The following NAALADL2 variants were observed in gnomAD, a reference collection of about 807,000 sequenced individuals.
NAALADL2 encodes the protein N-acetylated alpha-linked acidic dipeptidase like 2.
A neutral mutation model predicts 87.2 loss-of-function variants in NAALADL2; 76 were observed. The ratio of observed to expected loss-of-function variants is 0.87; its 90% confidence interval spans 0.72 to 1.05. The LOEUF (loss-of-function observed/expected upper bound fraction) is 1.05. Among genes scored for constraint, NAALADL2 ranks in the 50% least tolerant of loss-of-function variants. The pLI is 0.00. For missense variants in NAALADL2, 1,089 were observed against 945.8 expected (o/e 1.15, Z -1.99); for synonymous variants, 354 against 331.0 (o/e 1.07, Z -0.75).
intron 9 of NAALADL2, among the ~76,000 whole-genome samples, chr3:175,555,179 A>AATG (rs2149498865): frequency 6.6e-6 from 1 of 152,246 alleles, no homozygotes; most frequent in African/African-American, 2.4e-5. Flanking sequence ...AGAATGAGGG[A>AATG]ATGATACAGT....
chr3:175,036,857 A>G (rs1185218745), intron 1 of NAALADL2, among the ~76,000 whole-genome samples: 1 of 149,150 alleles, frequency 6.7e-6, no homozygotes, highest in Admixed American at 6.7e-5. Flanking sequence ...AACAACAACA[A>G]CAACAGCATA....
At chr3:175,669,947 AC>A (rs1733713016) in intron 11 of NAALADL2, among the ~76,000 whole-genome samples, 1 of 152,054 alleles carries the variant, frequency 6.6e-6, no homozygotes, top group Non-Finnish European at 1.5e-5. Context: ...TATTTAAAAC[AC>A]CCCTTTCAGT....
chr3:175,692,269 G>A (rs1341332228), intron 11 of NAALADL2, among the ~76,000 whole-genome samples: 1 of 151,904 alleles, frequency 6.6e-6, no homozygotes, highest in East Asian at 1.9e-4. Context: ...ATTATTCATA[G>A]TTAGTTCATA....
At chr3:174,596,906 G>T (rs1305913107) in intron 2 of NAALADL2, among the ~76,000 whole-genome samples, 2 of 152,178 alleles carry the variant, frequency 1.3e-5, no homozygotes, top group East Asian at 3.9e-4. Flanking sequence ...CTGACTGTTT[G>T]ACTTGAATGC....
intron 1 of NAALADL2, among the ~76,000 whole-genome samples, chr3:175,019,135 A>G (rs536642006): frequency 1.3e-5 from 2 of 152,090 alleles, no homozygotes; most frequent in Admixed American, 6.6e-5. Context: ...TCATACTTTC[A>G]AAATAATTTT....
At chr3:175,298,108 C>T (rs1378568028) in intron 4 of NAALADL2, among the ~76,000 whole-genome samples, 1 of 151,924 alleles carries the variant, frequency 6.6e-6, no homozygotes, top group Non-Finnish European at 1.5e-5. Flanking sequence ...TCAAATAAGA[C>T]AGGGAAACAA....
intron 3 of NAALADL2, among the ~76,000 whole-genome samples, chr3:174,819,966 C>A (rs1037075670): frequency 6.6e-6 from 1 of 152,006 alleles, no homozygotes; most frequent in East Asian, 1.9e-4. Flanking sequence ...TTACATTTCC[C>A]TTCATATTAG....
intron 11 of NAALADL2, chr3:175,718,581 C>A (rs1268248185): frequency 6.3e-7 from 1 of 1,593,342 alleles, no homozygotes; most frequent in African/African-American, 1.3e-5. Flanking sequence ...ACTGTGCCAT[C>A]TCCTACTCCT....
In NAALADL2 at chr3:174,996,297, A is replaced by G. The variant is rs1206806839; in HGVS notation, c.44-100493A>G. Among the ~76,000 whole-genome samples the G allele has an allele frequency of 5.3e-5, 8 of 152,194 alleles. No individual in the cohort carries two copies. The South Asian group carries it at 1.0e-3, about 20-fold the overall frequency. On this transcript the variant is annotated intron_variant, in intron 1 of 13. Transcript: ENST00000454872. ...CAGATCACGAGGTCAGGAGATCGAG[A>G]CCATCCTGGCTAACACGGTGAAACC...
chr3:175,328,458 C>CG (rs1412935604), intron 5 of NAALADL2, among the ~76,000 whole-genome samples: 14 of 150,772 alleles, frequency 9.3e-5, no homozygotes, highest in Admixed American at 9.3e-4. Context: ...TTGTAAATTG[C>CG]GGGGGAGGCA....
At chr3:175,332,050 T>C (rs1455610903) in intron 5 of NAALADL2, among the ~76,000 whole-genome samples, 1 of 151,748 alleles carries the variant, frequency 6.6e-6, no homozygotes, top group Non-Finnish European at 1.5e-5. Flanking sequence ...CAAAGAAAAC[T>C]CCAAAATACT....
At chr3:175,345,062 T>C (rs570418782) in intron 5 of NAALADL2, among the ~76,000 whole-genome samples, 1 of 152,134 alleles carries the variant, frequency 6.6e-6, no homozygotes, top group Non-Finnish European at 1.5e-5. Flanking sequence ...CCAAAGCCTA[T>C]GCTGTTATTC....
intron 5 of NAALADL2, among the ~76,000 whole-genome samples, chr3:175,390,901 C>T (rs939516167): frequency 2.6e-5 from 4 of 152,142 alleles, no homozygotes; most frequent in Admixed American, 1.3e-4. Flanking sequence ...TGCACCTGTA[C>T]TAAGTAGCAC....
intron 5 of NAALADL2, among the ~76,000 whole-genome samples, chr3:175,373,582 T>C (rs971217714): frequency 7.2e-5 from 11 of 152,234 alleles, no homozygotes; most frequent in African/African-American, 2.7e-4. Context: ...TCATTTGGAC[T>C]GTTTCCAGTT....
chr3:174,890,800 A>G (rs1579385618), intron 1 of NAALADL2, among the ~76,000 whole-genome samples: 1 of 152,172 alleles, frequency 6.6e-6, no homozygotes. Context: ...TCTGTGAACA[A>G]TAATTACTAA....
chr3:174,746,981 A>C (rs1662620925), intron 3 of NAALADL2, among the ~76,000 whole-genome samples: 1 of 152,222 alleles, frequency 6.6e-6, no homozygotes, highest in African/African-American at 2.4e-5. Flanking sequence ...AAACCCTACA[A>C]GAAAATCTAG....
At chr3:175,302,452 A>G (rs908526307) in intron 4 of NAALADL2, among the ~76,000 whole-genome samples, 5 of 152,150 alleles carry the variant, frequency 3.3e-5, no homozygotes, top group Non-Finnish European at 5.9e-5. Context: ...TTTTCAATAA[A>G]CTTTTCATAC....
intron 10 of NAALADL2, among the ~76,000 whole-genome samples, chr3:175,598,415 G>T (rs1034340722): frequency 6.6e-6 from 1 of 151,640 alleles, no homozygotes; most frequent in Admixed American, 6.6e-5. Flanking sequence ...TGAAAAACAG[G>T]TTCAGGTAAT....
intron 1 of NAALADL2, chr3:174,864,046 T>C (rs987677367): frequency 4.4e-6 from 2 of 455,620 alleles, no homozygotes; most frequent in Non-Finnish European, 8.8e-6. Flanking sequence ...CAAGCAAATT[T>C]GGAGCAAAGA....
Sources: gnomAD v4.1 joint callset for allele counts (sites outside exome capture counted in the v4.1 genomes callset) on GRCh38, gnomAD v4.1.1 for gene constraint, MANE v1.5 for transcripts, NCBI Gene and HGNC (gene_info 2026-07-23, HGNC 2026-07-21) for gene names.